The following TMA7 variants were observed in gnomAD, a reference collection of about 807,000 sequenced individuals.
TMA7 encodes the protein translation machinery associated 7 homolog.
Under a neutral mutation model 12.5 loss-of-function variants are expected in TMA7, and 5 were observed. The ratio of observed to expected loss-of-function variants is 0.40; its 90% confidence interval spans 0.21 to 0.84. TMA7 has a LOEUF of 0.84. Ranked by LOEUF, TMA7 falls within the 40% of genes least tolerant of loss-of-function variation. TMA7 has a pLI of 0.36. For synonymous variants in TMA7, 36 were observed against 28.1 expected, an observed-to-expected ratio of 1.28 and a Z score of -0.89; for missense variants, 71 against 75.4, an observed-to-expected ratio of 0.94 and a Z score of 0.22.
chr3:48,442,098 G>A (rs1288661989), intron 3 of TMA7, among the ~76,000 whole-genome samples: 4 of 151,980 alleles, frequency 2.6e-5, no homozygotes, highest in Non-Finnish European at 4.4e-5. Flanking sequence ...TGGTGGTGGC[G>A]GCCCGTTTCC....
At chr3:48,440,495 G>T in intron 2 of TMA7, 37 bp downstream of exon 2, 1 of 1,604,356 alleles carries the variant, frequency 6.2e-7, no homozygotes. Flanking sequence ...GGGTGCGGGG[G>T]CGCTGGGAGA....
Position 48,440,266 on chromosome 3 carries a change from G to A in TMA7, c.-31G>A, listed in dbSNP as rs748439562. On this transcript the variant is annotated 5_prime_UTR_variant, in exon 1 of 4. Coordinates refer to ENST00000438607, the MANE Select transcript of TMA7 (RefSeq NM_015933.6). The stretch of plus-strand genomic sequence containing the variant: ...GTGGGGCAGACGCTCCGTTTCCGGT[G>A]GCAGGGTCTGGGGAAGCGGCGGCAG... The A allele has an allele frequency of 2.5e-6, 4 of 1,585,752 alleles. No individual in the cohort carries two copies. The highest frequency in any genetic ancestry group is 2.6e-6 in the Non-Finnish European group (3 of 1,166,240).
intron 3 of TMA7, among the ~76,000 whole-genome samples, chr3:48,442,716 C>T (rs542499926): frequency 1.6e-4 from 24 of 152,212 alleles, no homozygotes; most frequent in African/African-American, 5.5e-4. Flanking sequence ...TCCCAAAGTG[C>T]TGGGATTACA....
chr3:48,442,964 G>C (rs1203212721), intron 3 of TMA7, among the ~76,000 whole-genome samples: 5 of 151,852 alleles, frequency 3.3e-5, no homozygotes, highest in African/African-American at 1.2e-4. Context: ...TTTTGGCTGG[G>C]CATGGTGGCT....
At chr3:48,443,553 ACTT>A (rs2039614751) in intron 3 of TMA7, among the ~76,000 whole-genome samples, 1 of 151,070 alleles carries the variant, frequency 6.6e-6, no homozygotes, top group African/African-American at 2.4e-5. Context: ...AAAAAAAAGG[ACTT>A]CTTTTTCTGT....
At chr3:48,443,264 A>T (rs922778869) in intron 3 of TMA7, among the ~76,000 whole-genome samples, 1 of 136,506 alleles carries the variant, frequency 7.3e-6, no homozygotes, top group Non-Finnish European at 1.6e-5. Flanking sequence ...AAAAAAAAAA[A>T]ATGCTGGGGT....
At position 48,440,534 on chromosome 3, in the gene TMA7, T is replaced by A. The variant is rs1236041039; in HGVS notation, c.73-7T>A. ...GCCTGAGTTGAACACGCTCTGCCTC[T>A]CCCCAGGAAGATAAGGCTTTCAAGC... On this transcript the variant is annotated splice_region_variant and splice_polypyrimidine_tract_variant and intron_variant, in intron 2 of 3. Coordinates refer to ENST00000438607, the MANE Select transcript of TMA7 (RefSeq NM_015933.6). 4 of 1,610,278 alleles carry A rather than the reference T, an allele frequency of 2.5e-6. No homozygotes were observed. The highest frequency in any genetic ancestry group is 3.4e-6 in the Non-Finnish European group (4 of 1,179,116).
intron 3 of TMA7, among the ~76,000 whole-genome samples, chr3:48,441,339 TG>T (rs1216702334): frequency 1.3e-5 from 2 of 151,880 alleles, no homozygotes; most frequent in East Asian, 3.9e-4. Context: ...CCACCGCACC[TG>T]GCCAGTTTTT....
chr3:48,440,500 G>A (rs1243185955), intron 2 of TMA7, 41 bp from the exon 3 acceptor site: 4 of 1,603,924 alleles, frequency 2.5e-6, no homozygotes, highest in African/African-American at 2.7e-5. Flanking sequence ...CGGGGGCGCT[G>A]GGAGACAGGC....
At chr3:48,440,718 T>A in intron 3 of TMA7, 90 bp downstream of exon 3, 1 of 1,187,072 alleles carries the variant, frequency 8.4e-7, no homozygotes, top group Non-Finnish European at 1.2e-6. Flanking sequence ...TCCTGCCTCC[T>A]GAACTGCGAG....
rs974347480 is a variant in TMA7 at position 48,440,434 on chromosome 3, G to A, written c.48G>A (p.Lys16=). Residue 16 remains lysine, a synonymous_variant, in exon 2 of 4, where the codon AAG becomes AAA. Coordinates refer to ENST00000438607, the MANE Select transcript of TMA7 (RefSeq NM_015933.6). ...AGAAGAAGCCACTGAAACAGCCCAA[G>A]AAGCAGGCCAAGGAGATGGACGAGG... ...GGKKKPLKQP[K]KQAKEMDEED... is the part of the protein sequence containing the mutation. 6.2e-7 allele frequency: 1 copy of A among 1,612,534 alleles called. No individual in the cohort carries two copies. The highest frequency in any genetic ancestry group is 1.3e-5 in the African/African-American group (1 of 74,930).
At position 48,440,609 on chromosome 3, in the gene TMA7, C is replaced by G; in HGVS notation, c.141C>G (p.Ala47=). ...AACTCGAGGAGCTAAAAGCGAAGGC[C>G]GCGGGGAAGGGGCCCTTGGGTAAGT... ...QKKLEELKAK[A]AGKGPLATGG... is the part of the protein sequence containing the mutation. Residue 47 remains alanine (A), a synonymous_variant, in exon 3 of 4, where the codon GCC becomes GCG. Transcript: ENST00000438607. 1 of 1,611,528 alleles carries G rather than the reference C, an allele frequency of 6.2e-7. No individual in the cohort carries two copies. The highest frequency in any genetic ancestry group is 8.5e-7 in the Non-Finnish European group (1 of 1,179,706).
chr3:48,443,999 G>A lies in TMA7; in HGVS notation c.*117G>A, dbSNP rs2039623640. The A allele has an allele frequency of 5.4e-6, 4 of 734,026 alleles. No homozygotes were observed. Among genetic ancestry groups the A allele is most frequent in the Non-Finnish European group, 7.9e-6 (4 of 505,904 alleles). 45.5% of individuals were successfully genotyped at this position (734,026 alleles called of 1,614,324 possible). A position where few individuals can be genotyped will look rare whatever the true frequency, so the allele number is the denominator to read the frequency against. On this transcript the variant is annotated 3_prime_UTR_variant, in exon 4 of 4. Coordinates refer to ENST00000438607, the MANE Select transcript of TMA7 (RefSeq NM_015933.6). ...AGCTGGAATTAAGTGTTGTCTTGGA[G>A]CTGTTGTACATTTAAGAATAAACTT...
At chr3:48,442,437 A>G (rs2039592215) in intron 3 of TMA7, among the ~76,000 whole-genome samples, 1 of 147,782 alleles carries the variant, frequency 6.8e-6, no homozygotes, top group East Asian at 2.0e-4. Flanking sequence ...TGTATTAGGC[A>G]TATGTAACCC....
intron 3 of TMA7, among the ~76,000 whole-genome samples, chr3:48,442,159 G>T (rs2039585522): frequency 6.6e-6 from 1 of 151,774 alleles, no homozygotes; most frequent in South Asian, 2.1e-4. Flanking sequence ...AAGCCCAGGA[G>T]TTCAAGGTAA....
chr3:48,443,839 C>G lies in TMA7; in HGVS notation c.161-9C>G, dbSNP rs761279208. ...TTTTTCCCTAATTGTGACTATTTTTCTTTTGCAGCCACAGGTGGAATTAAG... is the reference window on the plus strand; with the variant it reads ...TTTTTCCCTAATTGTGACTATTTTTGTTTTGCAGCCACAGGTGGAATTAAG... On this transcript the variant is annotated splice_polypyrimidine_tract_variant and intron_variant, in intron 3 of 3. Transcript: ENST00000438607. The G allele has an allele frequency of 6.4e-7, 1 of 1,558,506 alleles. No homozygotes were observed. The highest frequency in any genetic ancestry group is 8.6e-7 in the Non-Finnish European group (1 of 1,158,608).
At chr3:48,440,830 C>T (rs1224989357) in intron 3 of TMA7, 6 of 605,740 alleles carry the variant, frequency 9.9e-6, no homozygotes, top group East Asian at 5.6e-5. Flanking sequence ...TCCTGCCTCC[C>T]AGGCAGTCTG....
At chr3:48,442,740 G>A (rs966307399) in intron 3 of TMA7, among the ~76,000 whole-genome samples, 2 of 151,970 alleles carry the variant, frequency 1.3e-5, no homozygotes, top group Non-Finnish European at 2.9e-5. Context: ...GTGAGCCACC[G>A]CGCCTGGCCC....
chr3:48,443,535 G>GAAA (rs35356755), intron 3 of TMA7, among the ~76,000 whole-genome samples: 8 of 114,716 alleles, frequency 7.0e-5, no homozygotes, highest in African/African-American at 2.1e-4. Context: ...TTCCATCTCA[G>GAAA]AAAAAAAAAA....
Sources: gnomAD v4.1 joint callset for allele counts (sites outside exome capture counted in the v4.1 genomes callset) on GRCh38, gnomAD v4.1.1 for gene constraint, MANE v1.5 for transcripts, NCBI Gene and HGNC (gene_info 2026-07-23, HGNC 2026-07-21) for gene names.